GRM5: variants seen among roughly 807,000 people sequenced by gnomAD.
GRM5 encodes the protein glutamate metabotropic receptor 5, also known as metabotropic glutamate receptor 5.
A neutral mutation model predicts 83.1 loss-of-function variants in GRM5; 19 were observed. The observed-to-expected ratio is 0.23, with a 90% CI of 0.16 to 0.34. The LOEUF (loss-of-function observed/expected upper bound fraction) is 0.34. Ranked by LOEUF, GRM5 falls within the 10% of genes least tolerant of loss-of-function variation. The pLI is 1.00. For missense variants in GRM5, 1,160 were observed against 1,588.3 expected, an observed-to-expected ratio of 0.73 and a Z score of 4.58; for synonymous variants, 675 against 633.6, an observed-to-expected ratio of 1.07 and a Z score of -0.98.
At chr11:88,552,150 G>A (rs968024451) in intron 8 of GRM5, among the ~76,000 whole-genome samples, 4 of 151,462 alleles carry the variant, frequency 2.6e-5, no homozygotes, top group African/African-American at 9.7e-5. Flanking sequence ...TCAGCCTCCT[G>A]AGTAACTGGT....
intron 3 of GRM5, among the ~76,000 whole-genome samples, chr11:88,779,487 T>C (rs991611562): frequency 2.6e-5 from 4 of 152,216 alleles, no homozygotes; most frequent in Non-Finnish European, 5.9e-5. Context: ...TGCTCAGTTT[T>C]CCTGCTGTTT....
chr11:88,977,465 C>G (rs1198883895), intron 2 of GRM5, among the ~76,000 whole-genome samples: 1 of 152,094 alleles, frequency 6.6e-6, no homozygotes, highest in Non-Finnish European at 1.5e-5. Context: ...CCCACCTCGG[C>G]CTCCCAAAGT....
intron 2 of GRM5, among the ~76,000 whole-genome samples, chr11:88,996,214 T>G (rs1392320008): frequency 6.6e-6 from 1 of 152,336 alleles, no homozygotes; most frequent in African/African-American, 2.4e-5. Context: ...ACAATTTGAT[T>G]ACAGCTGTGT....
At chr11:88,641,520 T>C (rs1939294074) in intron 4 of GRM5, among the ~76,000 whole-genome samples, 1 of 152,134 alleles carries the variant, frequency 6.6e-6, no homozygotes, top group South Asian at 2.1e-4. Flanking sequence ...CAATACCTCA[T>C]CTCAGACAAG....
At chr11:88,843,710 C>A (rs938408273) in intron 3 of GRM5, among the ~76,000 whole-genome samples, 2 of 151,984 alleles carry the variant, frequency 1.3e-5, no homozygotes, top group Non-Finnish European at 2.9e-5. Flanking sequence ...AAATATAGGC[C>A]AAAAATTAGG....
At chr11:88,999,718 C>T (rs1056019003) in intron 2 of GRM5, among the ~76,000 whole-genome samples, 3 of 152,104 alleles carry the variant, frequency 2.0e-5, no homozygotes, top group African/African-American at 7.2e-5. Context: ...TTCCATTTGA[C>T]CCAGCCATCC....
intron 3 of GRM5, among the ~76,000 whole-genome samples, chr11:88,730,649 A>G (rs1343756943): frequency 6.6e-6 from 1 of 152,236 alleles, no homozygotes; most frequent in East Asian, 1.9e-4. Flanking sequence ...CTAGATAAAA[A>G]AATGTGGCAC....
intron 8 of GRM5, among the ~76,000 whole-genome samples, chr11:88,554,172 C>A (rs1441165797): frequency 6.6e-6 from 1 of 152,058 alleles, no homozygotes; most frequent in Non-Finnish European, 1.5e-5. Context: ...CAATCCATTT[C>A]CTTGTATTTT....
intron 3 of GRM5, among the ~76,000 whole-genome samples, chr11:88,798,377 G>C (rs569907460): frequency 6.6e-6 from 1 of 152,160 alleles, no homozygotes; most frequent in South Asian, 2.1e-4. Flanking sequence ...CACTGTATTT[G>C]TTGCTGGAAA....
At chr11:88,983,292 T>C (rs1425617870) in intron 2 of GRM5, among the ~76,000 whole-genome samples, 3 of 152,210 alleles carry the variant, frequency 2.0e-5, no homozygotes, top group East Asian at 1.9e-4. Context: ...TAAAACTCTA[T>C]TGTCTCCTTA....
intron 3 of GRM5, among the ~76,000 whole-genome samples, chr11:88,747,875 T>A (rs1026056727): frequency 3.3e-5 from 5 of 152,160 alleles, no homozygotes; most frequent in Non-Finnish European, 2.9e-5. Flanking sequence ...TAGAAGCAGC[T>A]GTGGTCTGCA....
chr11:88,760,555 A>C (rs1385029923), intron 3 of GRM5, among the ~76,000 whole-genome samples: 4 of 152,080 alleles, frequency 2.6e-5, no homozygotes, highest in Admixed American at 2.0e-4. Flanking sequence ...TCTGAAATTG[A>C]ATCAGTTATA....
chr11:88,725,566 C>T (rs559333598), intron 3 of GRM5, among the ~76,000 whole-genome samples: 2 of 152,140 alleles, frequency 1.3e-5, no homozygotes, highest in African/African-American at 2.4e-5. Flanking sequence ...CAAGTGGGTC[C>T]CTGACCCCCA....
In GRM5 at chr11:88,906,492, T is replaced by C. The variant is rs185570605; in HGVS notation, c.662-56337A>G. Among the ~76,000 whole-genome samples the C allele has an allele frequency of 9.1e-3, 1,390 of 152,316 alleles. 26 individuals carry two copies. The highest frequency in any genetic ancestry group is 0.07 in the East Asian group (365 of 5,184). On this transcript the variant is annotated intron_variant, in intron 2 of 9. Transcript: ENST00000305447. Reference sequence around the variant, plus strand: ...GAGAAAAAAAAAAGTTCAAAAGCCCTGGATTATTTTTGTCTGTTTTCATTT... The same window carrying C: ...GAGAAAAAAAAAAGTTCAAAAGCCCCGGATTATTTTTGTCTGTTTTCATTT...
chr11:89,009,226 T>A, intron 2 of GRM5: 1 of 560,970 alleles, frequency 1.8e-6, no homozygotes, highest in African/African-American at 1.9e-5. Context: ...TACCAAGATG[T>A]AATGTCACTA....
intron 3 of GRM5, among the ~76,000 whole-genome samples, chr11:88,735,796 G>A (rs1007265441): frequency 6.6e-5 from 10 of 152,030 alleles, no homozygotes; most frequent in Non-Finnish European, 8.8e-5. Flanking sequence ...CATTGACTGC[G>A]TTAATACTGT....
At chr11:89,022,607 G>A (rs553710974) in intron 2 of GRM5, among the ~76,000 whole-genome samples, 1 of 152,102 alleles carries the variant, frequency 6.6e-6, no homozygotes, top group African/African-American at 2.4e-5. Flanking sequence ...AGCCGAGATC[G>A]TGCCACTGCA....
intron 3 of GRM5, among the ~76,000 whole-genome samples, chr11:88,687,214 C>G (rs1940649217): frequency 6.6e-6 from 1 of 151,672 alleles, no homozygotes; most frequent in Non-Finnish European, 1.5e-5. Context: ...GCGGCTCGCG[C>G]CTGTAATCCC....
At position 88,509,106 on chromosome 11, in the gene GRM5, A is replaced by T; in HGVS notation, c.3125T>A (p.Leu1042Gln). 4 of 1,547,356 alleles carry T rather than the reference A, an allele frequency of 2.6e-6. No homozygotes were observed. The highest frequency in any genetic ancestry group is 3.5e-6 in the Non-Finnish European group (4 of 1,146,300). The change falls in exon 10 of 10, where the codon CTG (leucine) becomes CAG (glutamine). Residue 1042 changes from leucine (L) to glutamine (Q), a missense_variant. This residue lies in a region of GRM5 where 562 missense variants were observed against 532.4 expected (regional missense o/e 1.06). Transcript: ENST00000305447. ...GCTGCGCGCCACAGGCTCCGAGTGC[A>T]GCGACGGCACATCGTCGTCCGTGCG... ...ASRTDDDVPS[L>Q]HSEPVARSSS...
Sources: gnomAD v4.1 joint callset for allele counts (sites outside exome capture counted in the v4.1 genomes callset) on GRCh38, gnomAD v4.1.1 for gene constraint, gnomAD v4.1.1 regional missense constraint, MANE v1.5 for transcripts, NCBI Gene and HGNC (gene_info 2026-07-23, HGNC 2026-07-21) for gene names.